The following ARMCX4 variants were observed in gnomAD, a reference collection of about 807,000 sequenced individuals.
ARMCX4 encodes armadillo repeat-containing X-linked protein 4.
Under a neutral mutation model 34.7 loss-of-function variants are expected in ARMCX4, and 3 were observed. The observed-to-expected ratio is 0.09, with a 90% CI of 0.04 to 0.22. The LOEUF (loss-of-function observed/expected upper bound fraction) is 0.22. ARMCX4 is among the 10% of genes least tolerant of loss of function. The pLI is 1.00. For missense variants in ARMCX4, 1,448 were observed against 1,720.8 expected, an observed-to-expected ratio of 0.84 and a Z score of 2.81; for synonymous variants, 513 against 632.8, an observed-to-expected ratio of 0.81 and a Z score of 2.84.
In ARMCX4 at chrX:101,524,672, C is replaced by T. The variant is rs1468650222; in HGVS notation, c.*1781-6972C>T. ...CCAGGAGATTATATCCTGCACCTGG[C>T]TCGGCGGGTCCCATGCCCATGGAGC... On this transcript the variant is annotated intron_variant and NMD_transcript_variant, in intron 11 of 12. Coordinates refer to the ARMCX4 transcript ENST00000354842. Among the ~76,000 whole-genome samples the T allele has an allele frequency of 1.6e-4, 18 of 111,744 alleles. No individual in the cohort carries two copies. In the East Asian group the frequency reaches 2.6e-3, roughly 16 times the overall value.
At chrX:101,498,454 C>A, downstream of ARMCX4, 1 of 148,502 alleles carries the variant, frequency 6.7e-6, no homozygotes, top group Non-Finnish European at 1.3e-5. Flanking sequence ...ATGTATCAGA[C>A]CTTTGAGAAA....
At chrX:101,471,720 A>G (rs1483731399) in intron 4 of ARMCX4, among the ~76,000 whole-genome samples, 3 of 111,299 alleles carry the variant, frequency 2.7e-5, no homozygotes. Context: ...ACAGCAGGGT[A>G]CTCCAACAGA....
downstream of ARMCX4, among the ~76,000 whole-genome samples, chrX:101,451,982 G>A (rs1451154563): frequency 4.5e-5 from 5 of 111,759 alleles, no homozygotes; most frequent in Non-Finnish European, 7.5e-5. Flanking sequence ...ATAAGGTTCA[G>A]GGAAGTTTAA....
At position 101,491,706 on chromosome X, in the gene ARMCX4, G is replaced by A. The variant is rs1324127772; in HGVS notation, c.3117G>A (p.Glu1039=). 8.7e-7 allele frequency: 1 copy of A among 1,155,782 alleles called. No individual in the cohort carries two copies. Among genetic ancestry groups the A allele is most frequent in the African/African-American group, 1.8e-5 (1 of 56,307 alleles). The part of the protein sequence containing the change: ...QPQIVAGSQG[E]TLPGARDKSM... ...AGATTGTGGCCGGTTCCCAGGGTGA[G>A]ACCTTGCCTGGGGCAAGGGACAAGT... The change falls in exon 6 of 6, where the codon GAG becomes GAA. Residue 1039 remains glutamate, a synonymous_variant. Coordinates refer to ENST00000423738, the MANE Select transcript of ARMCX4 (RefSeq NM_001256155.3).
chrX:101,437,400 C>T (rs1391680104), intron 2 of ARMCX4, among the ~76,000 whole-genome samples: 1 of 111,877 alleles, frequency 8.9e-6, no homozygotes, highest in Non-Finnish European at 1.9e-5. Context: ...AGGAGTTTAT[C>T]CATTTCTTCT....
intron 11 of ARMCX4, among the ~76,000 whole-genome samples, chrX:101,527,350 A>G (rs1191016944): frequency 1.8e-5 from 2 of 112,225 alleles, no homozygotes; most frequent in African/African-American, 6.5e-5. Context: ...AGTGAAATTT[A>G]TAGCACTAAA....
chrX:101,522,369 T>A (rs1022136634), intron 11 of ARMCX4, among the ~76,000 whole-genome samples: 2 of 111,850 alleles, frequency 1.8e-5, no homozygotes, highest in Non-Finnish European at 3.8e-5. Context: ...TTTCAACTTG[T>A]TTGTGTCTTT....
At chrX:101,460,781 A>G (rs7063823) in intron 4 of ARMCX4, among the ~76,000 whole-genome samples, 55,412 of 110,527 alleles carry the variant, frequency 0.5, 11,037 homozygotes, top group African/African-American at 0.75. Flanking sequence ...GATATAGGAA[A>G]CCTTCCCAGT....
chrX:101,529,421 A>G (rs1489701855), intron 11 of ARMCX4, among the ~76,000 whole-genome samples: 2 of 112,069 alleles, frequency 1.8e-5, no homozygotes, highest in Admixed American at 9.5e-5. Flanking sequence ...ACGTAGGCAT[A>G]GTCAAGGACT....
At chrX:101,452,395 A>G (rs1932034470), downstream of ARMCX4, among the ~76,000 whole-genome samples, 1 of 112,300 alleles carries the variant, frequency 8.9e-6, no homozygotes, top group Admixed American at 9.5e-5. Context: ...TATTTTCACA[A>G]CTAGTCCCTT....
chrX:101,492,101 C>A lies in ARMCX4; in HGVS notation c.3512C>A (p.Ala1171Asp). The A allele has an allele frequency of 8.7e-7, 1 of 1,145,057 alleles. No individual in the cohort carries two copies. Among genetic ancestry groups the A allele is most frequent in the African/African-American group, 1.8e-5 (1 of 54,531 alleles). The allele number at this position is 1,145,057 out of a possible 1,213,427, so 94.4% of individuals were successfully genotyped here. ...TSVKSWAGAR[A>D]ENVVGIGTWA... ...GTTAAGTCCTGGGCTGGGGCCAGGG[C>A]TGAGAATGTGGTTGGTATTGGGACT... The change falls in exon 6 of 6, where the codon GCT (alanine) becomes GAT (aspartate). Residue 1171 changes from alanine to aspartate, a missense_variant. Ala to Asp is a moderately radical substitution (Grantham distance 126). Transcript: ENST00000423738.
At chrX:101,430,078 T>C (rs1463717642) in intron 2 of ARMCX4, among the ~76,000 whole-genome samples, 2 of 111,737 alleles carry the variant, frequency 1.8e-5, no homozygotes, top group Non-Finnish European at 3.8e-5. Flanking sequence ...TATCTTTCCT[T>C]GAGCAGATGT....
At chrX:101,465,377 A>G (rs782252284) in intron 4 of ARMCX4, among the ~76,000 whole-genome samples, 1 of 112,162 alleles carries the variant, frequency 8.9e-6, no homozygotes, top group South Asian at 3.7e-4. Flanking sequence ...AAAAAAGCTG[A>G]TGTAGTTGTA....
intron 2 of ARMCX4, among the ~76,000 whole-genome samples, chrX:101,433,169 C>A (rs1444784157): frequency 1.8e-5 from 1 of 56,733 alleles, no homozygotes; most frequent in African/African-American, 5.0e-5. Flanking sequence ...TGTATACATA[C>A]ATGTGTATAT....
Position 101,468,803 on chromosome X carries a change from C to T in ARMCX4, c.-472-17220C>T, listed in dbSNP as rs189016751. Among the ~76,000 whole-genome samples, 169 of 110,180 alleles carry T rather than the reference C, an allele frequency of 1.5e-3. 1 individual carries two copies. Among genetic ancestry groups the T allele is most frequent in the Non-Finnish European group, 2.6e-3 (138 of 52,796 alleles). ...TAATTTTTTGTATTTTTAGTAGAGA[C>T]GGGGTTTCACTGTGTTAGCCAAGAT... is the stretch of plus-strand genomic sequence containing the variant. On this transcript the variant is annotated intron_variant and NMD_transcript_variant, in intron 4 of 15. Coordinates refer to the ARMCX4 transcript ENST00000433011.
chrX:101,429,287 T>C (rs1929835059), intron 2 of ARMCX4, among the ~76,000 whole-genome samples: 1 of 110,226 alleles, frequency 9.1e-6, no homozygotes, highest in Non-Finnish European at 1.9e-5. Flanking sequence ...TCCTCAGTTT[T>C]CTCATCCAGA....
intron 4 of ARMCX4, among the ~76,000 whole-genome samples, chrX:101,463,466 TGCATAGACTTTG>T: frequency 8.9e-6 from 1 of 112,144 alleles, no homozygotes; most frequent in Middle Eastern, 4.6e-3. Flanking sequence ...GGGGTCAATT[TGCATAGACTTTG>T]GCCCCTGCCC....
rs1391804445 is a variant in ARMCX4 at position 101,491,967 on chromosome X, C to G, written c.3378C>G (p.Ser1126Arg). 1 of 1,155,328 alleles carries G rather than the reference C, an allele frequency of 8.7e-7. No homozygotes were observed. The highest frequency in any genetic ancestry group is 1.1e-6 in the Non-Finnish European group (1 of 872,119). Residue 1126 changes from serine (S) to arginine (R), a missense_variant, in exon 6 of 6, where the codon AGC (serine) becomes AGG (arginine). Physicochemically the swap from Ser to Arg is moderately radical, Grantham distance 110. Transcript: ENST00000423738. ...FQTMDGDWEN[S>R]VSWADDENEA... Reference sequence around the variant, plus strand: ...CCATGGATGGAGACTGGGAAAATAGCGTGTCCTGGGCTGATGATGAGAATG... The same window carrying G: ...CCATGGATGGAGACTGGGAAAATAGGGTGTCCTGGGCTGATGATGAGAATG...
chrX:101,531,625 T>G (rs1483369644), intron 11 of ARMCX4: 1 of 111,858 alleles, frequency 8.9e-6, no homozygotes, highest in Non-Finnish European at 1.9e-5. Flanking sequence ...TATTTTTATG[T>G]CTATGTTATC....
Sources: gnomAD v4.1 joint callset for allele counts (sites outside exome capture counted in the v4.1 genomes callset) on GRCh38, gnomAD v4.1.1 for gene constraint, MANE v1.5 for transcripts, NCBI Gene and HGNC (gene_info 2026-07-23, HGNC 2026-07-21) for gene names.